Variants in EPHA3 observed in about 807,000 individuals in gnomAD.
The protein encoded by EPHA3 is ephrin type-A receptor 3.
In EPHA3, 42 loss-of-function variants were observed where a neutral mutation model predicts 107.1. The ratio of observed to expected loss-of-function variants is 0.39; its 90% CI spans 0.31 to 0.51. The LOEUF (loss-of-function observed/expected upper bound fraction) is 0.51. Among genes scored for constraint, EPHA3 ranks in the 20% least tolerant of loss-of-function variants. EPHA3 has a pLI of 0.78. For missense variants in EPHA3, 1,183 were observed against 1,211.2 expected, an observed-to-expected ratio of 0.98 and a Z score of 0.35; for synonymous variants, 461 against 424.8, an observed-to-expected ratio of 1.09 and a Z score of -1.05.
chr3:89,473,588 G>A (rs73846191), intron 16 of EPHA3, among the ~76,000 whole-genome samples: 5,164 of 152,136 alleles, frequency 0.034, 290 homozygotes, highest in African/African-American at 0.12. Context: ...ATTCCCATGC[G>A]CATAGCTAAA....
intron 2 of EPHA3, among the ~76,000 whole-genome samples, chr3:89,202,766 A>G (rs1706003472): frequency 1.3e-5 from 2 of 151,966 alleles, no homozygotes; most frequent in Non-Finnish European, 2.9e-5. Context: ...TCTAAAATCA[A>G]TTGTCTTCTT....
intron 2 of EPHA3, among the ~76,000 whole-genome samples, chr3:89,141,270 G>A (rs567881954): frequency 1.3e-5 from 2 of 151,638 alleles, no homozygotes; most frequent in Admixed American, 1.3e-4. Context: ...CTGGGAATTA[G>A]GATGTTTACT....
intron 2 of EPHA3, among the ~76,000 whole-genome samples, chr3:89,208,380 A>G (rs1451095143): frequency 5.6e-5 from 8 of 143,902 alleles, no homozygotes; most frequent in African/African-American, 7.9e-5. Flanking sequence ...AAAAAAAAAA[A>G]AAAGAAAAGA....
At chr3:89,396,514 A>T (rs1708854176) in intron 6 of EPHA3, among the ~76,000 whole-genome samples, 1 of 151,924 alleles carries the variant, frequency 6.6e-6, no homozygotes, top group Admixed American at 6.6e-5. Flanking sequence ...TGCAATTATT[A>T]AAAAAAATAG....
At chr3:89,246,463 A>G (rs1481979085) in intron 3 of EPHA3, among the ~76,000 whole-genome samples, 2 of 151,378 alleles carry the variant, frequency 1.3e-5, no homozygotes, top group Non-Finnish European at 2.9e-5. Context: ...CTTTAACATG[A>G]CATAGGACAC....
At chr3:89,209,733 T>A (rs149299206) in intron 2 of EPHA3, 127 bp from the exon 3 acceptor site, 48 of 814,896 alleles carry the variant, frequency 5.9e-5, no homozygotes, top group Admixed American at 7.1e-5. Flanking sequence ...AAATAAAAAC[T>A]ACAAACAAGA....
intron 3 of EPHA3, among the ~76,000 whole-genome samples, chr3:89,262,121 A>AT (rs1387898418): frequency 6.6e-6 from 1 of 152,124 alleles, no homozygotes; most frequent in Non-Finnish European, 1.5e-5. Flanking sequence ...TCTCGTATTC[A>AT]TATCTACATG....
At chr3:89,403,127 T>A (rs1302695210) in intron 7 of EPHA3, among the ~76,000 whole-genome samples, 6 of 152,216 alleles carry the variant, frequency 3.9e-5, no homozygotes, top group Non-Finnish European at 8.8e-5. Flanking sequence ...GCACATATTG[T>A]TTTCTAAGTG....
Position 89,357,358 on chromosome 3 carries a change from T to C in EPHA3, c.1306+15268T>C, listed in dbSNP as rs182576359. ...ACTAGACTGTTAGTGGTTGACTTTT[T>C]CTACAAGTTTATTTTAATAGATTCA... is the stretch of plus-strand genomic sequence containing the variant. On this transcript the variant is annotated intron_variant, in intron 5 of 16. Coordinates refer to ENST00000336596, the MANE Select transcript of EPHA3 (RefSeq NM_005233.6). Among the ~76,000 whole-genome samples the C allele has an allele frequency of 1.4e-4, 21 of 151,022 alleles. No homozygotes were observed. The Admixed American group carries it at 1.4e-3, about 10-fold the overall frequency.
At chr3:89,248,079 C>A (rs556661551) in intron 3 of EPHA3, among the ~76,000 whole-genome samples, 1 of 152,124 alleles carries the variant, frequency 6.6e-6, no homozygotes, top group South Asian at 2.1e-4. Flanking sequence ...TATCAAGTCA[C>A]CTTACTATTT....
At chr3:89,131,926 C>T (rs1237459876) in intron 2 of EPHA3, among the ~76,000 whole-genome samples, 1 of 152,150 alleles carries the variant, frequency 6.6e-6, no homozygotes, top group African/African-American at 2.4e-5. Context: ...AAGTTTTCAC[C>T]CTCCCAGGTG....
At chr3:89,324,785 A>G (rs1478888665) in intron 3 of EPHA3, among the ~76,000 whole-genome samples, 4 of 152,106 alleles carry the variant, frequency 2.6e-5, no homozygotes, top group Non-Finnish European at 5.9e-5. Flanking sequence ...GAGATTTCGG[A>G]TATGAATGAT....
At chr3:89,141,515 C>T (rs1394403096) in intron 2 of EPHA3, among the ~76,000 whole-genome samples, 1 of 151,484 alleles carries the variant, frequency 6.6e-6, no homozygotes, top group Admixed American at 6.6e-5. Flanking sequence ...TCAATGTTTC[C>T]CAAACTTTAG....
At chr3:89,199,775 T>G (rs1334681959) in intron 2 of EPHA3, among the ~76,000 whole-genome samples, 1 of 152,212 alleles carries the variant, frequency 6.6e-6, no homozygotes, top group East Asian at 1.9e-4. Flanking sequence ...GTCTTATAGT[T>G]ACTCAGTTAA....
At chr3:89,444,414 T>A (rs1481961226) in intron 13 of EPHA3, among the ~76,000 whole-genome samples, 4 of 152,006 alleles carry the variant, frequency 2.6e-5, no homozygotes, top group Non-Finnish European at 5.9e-5. Flanking sequence ...ATGTGTACAA[T>A]GTTGGTTTAT....
intron 3 of EPHA3, among the ~76,000 whole-genome samples, chr3:89,303,870 T>C (rs552307440): frequency 1.3e-5 from 2 of 152,268 alleles, no homozygotes; most frequent in Admixed American, 6.5e-5. Flanking sequence ...CCTCTGTGTT[T>C]TTATGTCCAA....
At chr3:89,119,266 C>A (rs1707323811) in intron 1 of EPHA3, among the ~76,000 whole-genome samples, 7 of 152,004 alleles carry the variant, frequency 4.6e-5, no homozygotes, top group Admixed American at 4.6e-4. Context: ...CAAAATAGAA[C>A]CATCTCCATA....
At chr3:89,250,349 C>A (rs1217933483) in intron 3 of EPHA3, among the ~76,000 whole-genome samples, 1 of 152,160 alleles carries the variant, frequency 6.6e-6, no homozygotes, top group Non-Finnish European at 1.5e-5. Flanking sequence ...TGCCCTTTTC[C>A]CATATCTTCC....
At chr3:89,123,158 T>G (rs1559741227) in intron 1 of EPHA3, among the ~76,000 whole-genome samples, 1 of 152,238 alleles carries the variant, frequency 6.6e-6, no homozygotes, top group Non-Finnish European at 1.5e-5. Context: ...TTGTTTTGTT[T>G]GTTTTTGAGA....
Sources: gnomAD v4.1 joint callset for allele counts (sites outside exome capture counted in the v4.1 genomes callset) on GRCh38, gnomAD v4.1.1 for gene constraint, MANE v1.5 for transcripts, NCBI Gene and HGNC (gene_info 2026-07-23, HGNC 2026-07-21) for gene names.